GTF2IRD1: variants seen among roughly 807,000 people sequenced by gnomAD.
GTF2IRD1 encodes general transcription factor II-I repeat domain-containing protein 1.
In GTF2IRD1, 26 loss-of-function variants were observed where a neutral mutation model predicts 113.2. The ratio of observed to expected loss-of-function variants is 0.23; its 90% CI spans 0.17 to 0.32. The LOEUF (loss-of-function observed/expected upper bound fraction) is 0.32. Among genes scored for constraint, GTF2IRD1 ranks in the 10% least tolerant of loss-of-function variants. The probability of loss-of-function intolerance (pLI) is 1.00; values close to 1 mark genes in which losing one functional copy is unlikely to be tolerated. For missense variants in GTF2IRD1, 864 were observed against 1,280.8 expected, an observed-to-expected ratio of 0.67 and a Z score of 4.97; for synonymous variants, 484 against 529.1, an observed-to-expected ratio of 0.91 and a Z score of 1.17.
intron 1 of GTF2IRD1, among the ~76,000 whole-genome samples, chr7:74,503,609 C>T (rs912113833): frequency 4.6e-5 from 7 of 152,134 alleles, no homozygotes; most frequent in Admixed American, 2.0e-4. Flanking sequence ...ATTAGCCAGG[C>T]GTGGTGGTGG....
chr7:74,456,190 C>G (rs1401265157), intron 1 of GTF2IRD1, among the ~76,000 whole-genome samples: 2 of 152,082 alleles, frequency 1.3e-5, no homozygotes, highest in African/African-American at 2.4e-5. Context: ...GTTTTTGCAG[C>G]CTGCTTGACT....
chr7:74,535,933 C>G (rs932332814), intron 10 of GTF2IRD1, among the ~76,000 whole-genome samples: 4 of 152,182 alleles, frequency 2.6e-5, no homozygotes, highest in Admixed American at 6.6e-5. Context: ...CCTTGCTCTC[C>G]CAAATCTCTG....
chr7:74,544,696 C>T, intron 14 of GTF2IRD1, 59 bp from the exon 15 acceptor site: 1 of 1,539,538 alleles, frequency 6.5e-7, no homozygotes, highest in Non-Finnish European at 9.0e-7. Flanking sequence ...CTGACGTCGG[C>T]AGTGCATGGC....
chr7:74,591,624 C>T (rs1292678530), intron 24 of GTF2IRD1, among the ~76,000 whole-genome samples: 4 of 152,102 alleles, frequency 2.6e-5, no homozygotes, highest in African/African-American at 9.7e-5. Context: ...AAGTGATCTG[C>T]CCGCCTCAGC....
At chr7:74,477,408 G>T (rs1348539244) in intron 1 of GTF2IRD1, among the ~76,000 whole-genome samples, 2 of 151,614 alleles carry the variant, frequency 1.3e-5, no homozygotes, top group Admixed American at 1.3e-4. Flanking sequence ...ATTTGGGGTG[G>T]GACGGGGCAG....
chr7:74,564,714 G>C (rs1800186552), intron 22 of GTF2IRD1, among the ~76,000 whole-genome samples: 1 of 152,016 alleles, frequency 6.6e-6, no homozygotes, highest in Non-Finnish European at 1.5e-5. Flanking sequence ...CATAATTCCA[G>C]TGTGTGTGAC....
chr7:74,519,748 TA>T, intron 6 of GTF2IRD1, 29 bp downstream of exon 6: 1 of 1,494,250 alleles, frequency 6.7e-7, no homozygotes, highest in South Asian at 1.3e-5. Flanking sequence ...TCTCCAAGTC[TA>T]GGGGGTGGGA....
chr7:74,551,924 A>G (rs1799331704), intron 17 of GTF2IRD1, among the ~76,000 whole-genome samples: 1 of 152,134 alleles, frequency 6.6e-6, no homozygotes, highest in South Asian at 2.1e-4. Context: ...TGACAGAGGG[A>G]GACTCTGTCT....
intron 25 of GTF2IRD1, among the ~76,000 whole-genome samples, chr7:74,597,033 T>C (rs1398347180): frequency 3.3e-5 from 5 of 151,700 alleles, no homozygotes; most frequent in South Asian, 4.1e-4. Flanking sequence ...GATGACAGAA[T>C]GAGACCCCAT....
chr7:74,462,203 G>A (rs933039176), intron 1 of GTF2IRD1, among the ~76,000 whole-genome samples: 2 of 151,286 alleles, frequency 1.3e-5, no homozygotes, highest in Non-Finnish European at 2.9e-5. Context: ...GCAAGACCCC[G>A]TCTCTTAAAA....
Position 74,602,538 on chromosome 7 carries a change from T to C in GTF2IRD1, c.*105T>C, listed in dbSNP as rs1261148471. 5 of 856,864 alleles carry C rather than the reference T, an allele frequency of 5.8e-6. No individual in the cohort carries two copies. The highest frequency in any genetic ancestry group is 4.5e-5 in the Admixed American group (2 of 44,344). 53.1% of individuals were successfully genotyped at this position (856,864 alleles called of 1,614,324 possible). ...TATCGATGCCTTTTAGTTTTTCCAA[T>C]GATTTTTACACTATATTCCTGCCAC... On this transcript the variant is annotated 3_prime_UTR_variant, in exon 27 of 27. Coordinates refer to ENST00000424337, the MANE Select transcript of GTF2IRD1 (RefSeq NM_005685.4).
In GTF2IRD1 at chr7:74,512,242, C is replaced by G. The variant is rs1396035680; in HGVS notation, c.124-588C>G. On this transcript the variant is annotated intron_variant, in intron 2 of 26. Transcript: ENST00000424337. The surrounding 1 kb of genome is among the most constrained non-coding windows in gnomAD (Gnocchi z 4.4). ...TGGCGGGCGCCTGTAGTCCCAGCTA[C>G]TCGGGAGGCTGAGGCAGGAGAATCG... 6.6e-6 allele frequency among the ~76,000 whole-genome samples: 1 copy of G among 152,160 alleles called. No homozygotes were observed. The highest frequency in any genetic ancestry group is 1.5e-5 in the Non-Finnish European group (1 of 68,042).
chr7:74,492,216 G>T (rs1263729465), intron 1 of GTF2IRD1, among the ~76,000 whole-genome samples: 3 of 150,782 alleles, frequency 2.0e-5, no homozygotes, highest in Admixed American at 6.6e-5. Flanking sequence ...TGTCGCCCAG[G>T]CTGGAGTTCA....
At chr7:74,454,738 G>A (rs1258327809) in intron 1 of GTF2IRD1, among the ~76,000 whole-genome samples, 1 of 152,156 alleles carries the variant, frequency 6.6e-6, no homozygotes, top group Non-Finnish European at 1.5e-5. Context: ...GGCCTGTGTG[G>A]TGGTGGCCGC....
At chr7:74,569,372 A>G (rs1800545985) in intron 22 of GTF2IRD1, among the ~76,000 whole-genome samples, 1 of 152,156 alleles carries the variant, frequency 6.6e-6, no homozygotes, top group African/African-American at 2.4e-5. Flanking sequence ...ACAGCCTGAA[A>G]CAGACAAAAA....
At chr7:74,601,341 T>A (rs946121246) in intron 26 of GTF2IRD1, 161 bp downstream of exon 26, 4 of 1,534,332 alleles carry the variant, frequency 2.6e-6, no homozygotes, top group Non-Finnish European at 3.5e-6. Context: ...CATCCACCTG[T>A]CTCACCCAAG....
At chr7:74,577,625 A>G (rs1229740563) in intron 22 of GTF2IRD1, among the ~76,000 whole-genome samples, 4 of 151,866 alleles carry the variant, frequency 2.6e-5, no homozygotes, top group Non-Finnish European at 5.9e-5. Flanking sequence ...CCTCCATGAT[A>G]TAATCATTTT....
At chr7:74,521,954 G>C (rs771095631) in intron 7 of GTF2IRD1, among the ~76,000 whole-genome samples, 129 of 152,090 alleles carry the variant, frequency 8.5e-4, no homozygotes, top group Non-Finnish European at 1.6e-3. Flanking sequence ...GCTCAACTGG[G>C]GCGGGAGGAG....
intron 1 of GTF2IRD1, among the ~76,000 whole-genome samples, chr7:74,505,465 G>A (rs1796252063): frequency 6.6e-6 from 1 of 152,184 alleles, no homozygotes; most frequent in African/African-American, 2.4e-5. Flanking sequence ...GAGACAAGGA[G>A]CTGGGGATGG....
Sources: gnomAD v4.1 joint callset for allele counts (sites outside exome capture counted in the v4.1 genomes callset) on GRCh38, gnomAD v4.1.1 for gene constraint, Gnocchi (gnomAD v3.1) non-coding constraint, MANE v1.5 for transcripts, NCBI Gene and HGNC (gene_info 2026-07-23, HGNC 2026-07-21) for gene names.